Variants in STK25 observed in about 807,000 individuals in gnomAD.
STK25 encodes serine/threonine-protein kinase 25.
In STK25, 29 loss-of-function variants were observed where a neutral mutation model predicts 53.8. That is an observed-to-expected ratio of 0.54 (90% CI 0.40 to 0.74). The LOEUF (loss-of-function observed/expected upper bound fraction) is 0.74. STK25 is among the 30% of genes least tolerant of loss of function. The pLI is 0.00. For synonymous variants in STK25, 247 were observed against 238.3 expected (o/e 1.04, Z -0.33); for missense variants, 420 against 568.0 (o/e 0.74, Z 2.65).
At chr2:241,499,197 T>G (rs551497041) in intron 6 of STK25, 23 bp from the exon 7 acceptor site, 2 of 1,613,696 alleles carry the variant, frequency 1.2e-6, no homozygotes, top group African/African-American at 2.7e-5. Context: ...CAAGGACTGT[T>G]GCTGCCCTGA....
Position 241,499,388 on chromosome 2 carries a change from C to G in STK25, c.454G>C (p.Gly152Arg). 6.2e-7 allele frequency: 1 copy of G among 1,613,880 alleles called. No homozygotes were observed. Among genetic ancestry groups the G allele is most frequent in the Non-Finnish European group, 8.5e-7 (1 of 1,179,954 alleles). ...CCAAAGTCCGCCAGCTTCACGTCAC[C>G]CTGCTCCGAGAGTAGCACGTTGGCA... ...KAANVLLSEQ[G>R]DVKLADFGVA... The change falls in exon 6 of 12, where the codon GGT becomes CGT. Residue 152 changes from glycine to arginine, a missense_variant. Gly to Arg is a moderately radical substitution (Grantham distance 125). Transcript: ENST00000316586.
Position 241,496,320 on chromosome 2 carries a change from G to GT in STK25, c.1241+77dup, listed in dbSNP as rs1379409766. On this transcript the variant is annotated intron_variant, in intron 11 of 11. Coordinates refer to ENST00000316586, the MANE Select transcript of STK25 (RefSeq NM_001271977.2). This position sits in a 1 kb window ranked among gnomAD's most constrained non-coding sequence, Gnocchi z 5.8. ...GTGCCAAATGCAGCCACACCCACGAGTGAGCACTGGACCTCACCCCACGTC... is the reference window on the plus strand; with the variant it reads ...GTGCCAAATGCAGCCACACCCACGAGTTGAGCACTGGACCTCACCCCACGTC... The GT allele has an allele frequency of 6.5e-7, 1 of 1,536,898 alleles. No individual in the cohort carries two copies. Among genetic ancestry groups the GT allele is most frequent in the Non-Finnish European group, 8.9e-7 (1 of 1,129,272 alleles).
At chr2:241,508,912 C>T (rs971787618), upstream of STK25, among the ~76,000 whole-genome samples, 2 of 152,108 alleles carry the variant, frequency 1.3e-5, no homozygotes, top group African/African-American at 2.4e-5. Flanking sequence ...GCGTCGTCTC[C>T]GACGTTACGG....
chr2:241,508,009 G>A lies in STK25; in HGVS notation c.27C>T (p.Asn9=). ...TCCTGACCTGCACCCTTCTCACCTG[G>A]TTGGCAAATCCCCGGAGGTGAGCCA... is the stretch of plus-strand genomic sequence containing the variant. MAHLRGFA[N]QHSRVDPEEL... is the part of the protein sequence containing the mutation. The change falls in exon 2 of 12, where the codon AAC becomes AAT. Residue 9 remains asparagine (N), a synonymous_variant. Coordinates refer to ENST00000316586, the MANE Select transcript of STK25 (RefSeq NM_001271977.2). 1.2e-6 allele frequency: 2 copies of A among 1,603,254 alleles called. No individual in the cohort carries two copies. Among genetic ancestry groups the A allele is most frequent in the Middle Eastern group, 1.7e-4 (1 of 6,004 alleles).
At chr2:241,498,507 G>T in intron 8 of STK25, 132 bp downstream of exon 8, 1 of 1,320,984 alleles carries the variant, frequency 7.6e-7, no homozygotes, top group Non-Finnish European at 1.0e-6. Context: ...CTGTCCTGCA[G>T]CCTTGAGGGG....
chr2:241,497,462 C>T, intron 10 of STK25, 154 bp downstream of exon 10: 1 of 735,696 alleles, frequency 1.4e-6, no homozygotes, highest in South Asian at 1.8e-5. Flanking sequence ...GCAGATTCTG[C>T]TCCTTCCACT....
Position 241,496,398 on chromosome 2 carries a change from C to T in STK25, c.1241G>A (p.Arg414Lys). 6.2e-7 allele frequency: 1 copy of T among 1,612,986 alleles called. No homozygotes were observed. Among genetic ancestry groups the T allele is most frequent in the Non-Finnish European group, 8.5e-7 (1 of 1,179,714 alleles). The change falls in exon 11 of 12, where the codon AGG becomes AAG. Residue 414 changes from arginine to lysine, a missense_variant and splice_region_variant. By Grantham distance (26) the Arg-to-Lys change is conservative. Transcript: ENST00000316586. The surrounding 1 kb of genome is among the most constrained non-coding windows in gnomAD (Gnocchi z 5.8). Reference protein sequence around the residue: ...LMVHLVERVQRFSHNRNHLTS... With the variant: ...LMVHLVERVQKFSHNRNHLTS... ...GACCCTATGGCACGGCCGCCCTCACCTCTGCACTCGCTCCACCAGGTGCAC... is the reference window on the plus strand; with the variant it reads ...GACCCTATGGCACGGCCGCCCTCACTTCTGCACTCGCTCCACCAGGTGCAC...
At chr2:241,508,411 G>A in intron 1 of STK25, 32 bp downstream of exon 1, 1 of 1,049,984 alleles carries the variant, frequency 9.5e-7, no homozygotes, top group Non-Finnish European at 1.2e-6. Context: ...CTCCCCAATC[G>A]CCGCAAGCGC....
At chr2:241,503,589 T>A (rs1171480775) in intron 2 of STK25, among the ~76,000 whole-genome samples, 1 of 149,924 alleles carries the variant, frequency 6.7e-6, no homozygotes, top group Non-Finnish European at 1.5e-5. Flanking sequence ...GGTGGGCGCC[T>A]GCAGTCCCAG....
intron 1 of STK25, 42 bp from the exon 2 acceptor site, chr2:241,508,177 T>C: frequency 7.3e-7 from 1 of 1,373,762 alleles, no homozygotes; most frequent in Non-Finnish European, 9.4e-7. Context: ...AGTTCAGTCA[T>C]CTGAGACCGA....
upstream of STK25, chr2:241,508,799 C>T: frequency 2.1e-6 from 2 of 967,748 alleles, no homozygotes; most frequent in Non-Finnish European, 2.5e-6. Context: ...CTGCGTCTCC[C>T]GGCAGGCCGC....
chr2:241,508,374 C>G, intron 1 of STK25, 69 bp downstream of exon 1: 2 of 1,118,786 alleles, frequency 1.8e-6, no homozygotes, highest in African/African-American at 1.7e-5. Context: ...GCCACCGAGC[C>G]CCGCCCCGGG....
At chr2:241,499,938 G>A in intron 5 of STK25, 1 of 627,154 alleles carries the variant, frequency 1.6e-6, no homozygotes. Flanking sequence ...AGCCAAGTGT[G>A]GCCCTTTCCT....
At position 241,493,436 on chromosome 2, in the gene STK25, AT is replaced by A. The variant is rs1488183001; in HGVS notation, c.*2225del. 6.2e-7 allele frequency: 1 copy of A among 1,613,758 alleles called. No individual in the cohort carries two copies. Among genetic ancestry groups the A allele is most frequent in the East Asian group, 2.2e-5 (1 of 44,882 alleles). The stretch of plus-strand genomic sequence containing the variant: ...TCTTCCGGGCTGAGAGCAAGTACAC[AT>A]TTGAAAGGTAATTTTGCAGGAGGCA... On this transcript the variant is annotated 3_prime_UTR_variant, in exon 12 of 12. Transcript: ENST00000316586.
chr2:241,502,449 C>G (rs2065569292), intron 2 of STK25, among the ~76,000 whole-genome samples: 1 of 151,980 alleles, frequency 6.6e-6, no homozygotes, highest in Non-Finnish European at 1.5e-5. Context: ...AAAAAATAAA[C>G]TCATCAGGCC....
At chr2:241,498,524 G>A in intron 8 of STK25, 115 bp downstream of exon 8, 3 of 1,397,318 alleles carry the variant, frequency 2.1e-6, no homozygotes, top group East Asian at 2.3e-5. Context: ...GGGGGTCCCT[G>A]CCCAACACTA....
chr2:241,499,801 G>A (rs1241000266), intron 5 of STK25: 1 of 457,830 alleles, frequency 2.2e-6, no homozygotes, highest in Non-Finnish European at 4.0e-6. Context: ...CTCGTTGCCA[G>A]TGGCAAGTCC....
Position 241,501,995 on chromosome 2 carries a change from C to T in STK25, c.31-287G>A. On this transcript the variant is annotated intron_variant, in intron 2 of 11. Coordinates refer to ENST00000316586, the MANE Select transcript of STK25 (RefSeq NM_001271977.2). The surrounding 1 kb of genome is among the most constrained non-coding windows in gnomAD (Gnocchi z 5.3). ...CCAGCCTGGCCAGCATGGTGAAACC[C>T]CATCTCTAATACAAAAAAATTATCT... 2.9e-6 allele frequency: 1 copy of T among 340,846 alleles called. No homozygotes were observed. Among genetic ancestry groups the T allele is most frequent in the East Asian group, 6.9e-5 (1 of 14,556 alleles). The allele number at this position is 340,846 out of a possible 1,614,324, so 21.1% of individuals were successfully genotyped here.
At chr2:241,507,809 C>T (rs970526122) in intron 2 of STK25, among the ~76,000 whole-genome samples, 197 bp downstream of exon 2, 1 of 152,242 alleles carries the variant, frequency 6.6e-6, no homozygotes, top group Non-Finnish European at 1.5e-5. Context: ...TTCTGCCACG[C>T]AAAACGCCAC....
Sources: allele counts gnomAD v4.1 joint callset (sites outside exome capture counted in the v4.1 genomes callset), GRCh38; gene constraint gnomAD v4.1.1; non-coding constraint Gnocchi (gnomAD v3.1); transcripts MANE v1.5; gene names NCBI Gene and HGNC (gene_info 2026-07-23, HGNC 2026-07-21).